The following PCDHB16 variants were observed in gnomAD, a reference collection of about 807,000 sequenced individuals.
PCDHB16 encodes the protein protocadherin beta 16.
For synonymous variants in PCDHB16, 444 were observed against 436.5 expected, an observed-to-expected ratio of 1.02 and a Z score of -0.21; for missense variants, 1,026 against 989.9, an observed-to-expected ratio of 1.04 and a Z score of -0.49.
In PCDHB16 at chr5:141,184,017, C is replaced by T. The variant is rs138045628; in HGVS notation, c.1458C>T (p.Val486=). The change falls in exon 1 of 1, where the codon GTC becomes GTT. Residue 486 remains valine, a synonymous_variant. Transcript: ENST00000609684. ...TDRDSGTNAQ[V]TYSLLPPQDP... is the part of the protein sequence containing the mutation. ...GAGACTCGGGCACCAACGCCCAGGT[C>T]ACCTACTCGCTGCTGCCGCCCCAAG... The T allele has an allele frequency of 1.7e-3, 2,757 of 1,606,868 alleles. 5 individuals carry two copies. Among genetic ancestry groups the T allele is most frequent in the Admixed American group, 2.1e-3 (125 of 59,490 alleles).
In PCDHB16 at chr5:141,184,599, G is replaced by A; in HGVS notation, c.2040G>A (p.Gln680=). Reference sequence around the variant, plus strand: ...CGCTCCCAGAGGCGGCCCCCGGCCAGACCCAGGCCAACTCGCTCACTGTCT... The same window carrying A: ...CGCTCCCAGAGGCGGCCCCCGGCCAAACCCAGGCCAACTCGCTCACTGTCT... ...FLPLPEAAPG[Q]TQANSLTVYL... Residue 680 remains glutamine (Q), a synonymous_variant, in exon 1 of 1, where the codon CAG becomes CAA. Coordinates refer to ENST00000609684, the MANE Select transcript of PCDHB16 (RefSeq NM_020957.4). 1 of 1,612,606 alleles carries A rather than the reference G, an allele frequency of 6.2e-7. No homozygotes were observed. Among genetic ancestry groups the A allele is most frequent in the Non-Finnish European group, 8.5e-7 (1 of 1,179,810 alleles).
At position 141,185,394 on chromosome 5, in the gene PCDHB16, T is replaced by C; in HGVS notation, c.*504T>C. ...ACTTTTCTTAAAGTTTCTTTCTTTCTTTTCTTTTCTTTCTTTTTTTTTTTT... is the reference window on the plus strand; with the variant it reads ...ACTTTTCTTAAAGTTTCTTTCTTTCCTTTCTTTTCTTTCTTTTTTTTTTTT... On this transcript the variant is annotated 3_prime_UTR_variant, in exon 1 of 1. Transcript: ENST00000609684. 1 of 773,716 alleles carries C rather than the reference T, an allele frequency of 1.3e-6. No individual in the cohort carries two copies. The allele number at this position is 773,716 out of a possible 1,614,324, so 47.9% of individuals were successfully genotyped here.
rs980095142 is a variant in PCDHB16, at chr5:141,182,459, C to G, written c.-101C>G. The G allele has an allele frequency of 3.8e-6, 4 of 1,040,014 alleles. No homozygotes were observed. The highest frequency in any genetic ancestry group is 2.5e-5 in the Admixed American group (1 of 40,026). The allele number at this position is 1,040,014 out of a possible 1,614,324, so 64.4% of individuals were successfully genotyped here. A position where few individuals can be genotyped will look rare whatever the true frequency, so the allele number is the denominator to read the frequency against. ...TGAGTGTGAAACCTCTTTAAGACAC[C>G]GTTGGGCTGCTTGGTTCTGACATTC... On this transcript the variant is annotated 5_prime_UTR_variant, in exon 1 of 1. Coordinates refer to ENST00000609684, the MANE Select transcript of PCDHB16 (RefSeq NM_020957.4).
At position 141,182,786 on chromosome 5, in the gene PCDHB16, A is replaced by C; in HGVS notation, c.227A>C (p.Gln76Pro). ...IISQGNKQHLQLKAQTGDLLI... is the reference protein window; with the variant it reads ...IISQGNKQHLPLKAQTGDLLI... ...TCCCAGGGGAACAAACAGCATTTGC[A>C]GCTCAAGGCTCAAACTGGGGATTTG... Residue 76 changes from glutamine (Q) to proline (P), a missense_variant, in exon 1 of 1, where the codon CAG becomes CCG. By Grantham distance (76) the Gln-to-Pro change is moderately conservative. Transcript: ENST00000609684. The C allele has an allele frequency of 6.2e-7, 1 of 1,614,112 alleles. No individual in the cohort carries two copies. Among genetic ancestry groups the C allele is most frequent in the Non-Finnish European group, 8.5e-7 (1 of 1,179,998 alleles).
Position 141,186,051 on chromosome 5 carries a change from G to T in PCDHB16, c.*1161G>T, listed in dbSNP as rs1438243678. ...TAAGTTGGAAAAAAAACTTATCAAA[G>T]AGACATTTACATGGTTTGGCTTTTA... On this transcript the variant is annotated 3_prime_UTR_variant, in exon 1 of 1. Transcript: ENST00000609684. The T allele has an allele frequency of 1.0e-6, 1 of 998,318 alleles. No individual in the cohort carries two copies. Among genetic ancestry groups the T allele is most frequent in the Admixed American group, 6.2e-5 (1 of 16,244 alleles). The allele number at this position is 998,318 out of a possible 1,614,324, so 61.8% of individuals were successfully genotyped here. A position where few individuals can be genotyped will look rare whatever the true frequency, so the allele number is the denominator to read the frequency against.
chr5:141,182,677 G>T lies in PCDHB16; in HGVS notation c.118G>T (p.Glu40Ter), dbSNP rs781788378. ...GTCCTATTCCGTAGTGGAAGAAACG[G>T]AGAGAGGCTCTTTTGTGGCAAATCT... ...LGSYSVVEET[E>*]RGSFVANLGK... Residue 40 changes from glutamate to a stop codon, truncating the protein, a stop_gained, in exon 1 of 1, where the codon GAG (glutamate) becomes TAG (stop). Transcript: ENST00000609684. LOFTEE classifies it low-confidence loss of function (END_TRUNC). The T allele has an allele frequency of 1.2e-6, 2 of 1,610,074 alleles. No homozygotes were observed. Among genetic ancestry groups the T allele is most frequent in the East Asian group, 2.2e-5 (1 of 44,816 alleles).
Position 141,184,012 on chromosome 5 carries a change from C to A in PCDHB16, c.1453C>A (p.Gln485Lys), listed in dbSNP as rs1472780086. 34 of 1,607,632 alleles carry A rather than the reference C, an allele frequency of 2.1e-5. No individual in the cohort carries two copies. The highest frequency in any genetic ancestry group is 2.5e-5 in the Non-Finnish European group (30 of 1,178,976). Residue 485 changes from glutamine to lysine, a missense_variant, in exon 1 of 1, where the codon CAG becomes AAG. Transcript: ENST00000609684. ...AGACAGAGACTCGGGCACCAACGCCCAGGTCACCTACTCGCTGCTGCCGCC... is the reference window on the plus strand; with the variant it reads ...AGACAGAGACTCGGGCACCAACGCCAAGGTCACCTACTCGCTGCTGCCGCC... ...ATDRDSGTNA[Q>K]VTYSLLPPQD... is the part of the protein sequence containing the mutation.
chr5:141,185,217 G>C lies in PCDHB16; in HGVS notation c.*327G>C. 1 of 1,038,412 alleles carries C rather than the reference G, an allele frequency of 9.6e-7. No homozygotes were observed. Among genetic ancestry groups the C allele is most frequent in the Non-Finnish European group, 1.2e-6 (1 of 848,616 alleles). 64.3% of individuals were successfully genotyped at this position (1,038,412 alleles called of 1,614,324 possible). ...TTTATTTACTTCCTATTCATTTTTT[G>C]CTCCATTTTTCATGTTACTTCTCAG... On this transcript the variant is annotated 3_prime_UTR_variant, in exon 1 of 1. Transcript: ENST00000609684.
rs999690524 is a variant in PCDHB16 at position 141,185,589 on chromosome 5, G to A, written c.*699G>A. Reference sequence around the variant, plus strand: ...CCATGCCTGGCTAATCTTTTGCAGCGATGGGATTTTGCCAAGTTGCCCAGG... The same window carrying A: ...CCATGCCTGGCTAATCTTTTGCAGCAATGGGATTTTGCCAAGTTGCCCAGG... On this transcript the variant is annotated 3_prime_UTR_variant, in exon 1 of 1. Coordinates refer to ENST00000609684, the MANE Select transcript of PCDHB16 (RefSeq NM_020957.4). The A allele has an allele frequency of 2.9e-5, 12 of 410,676 alleles. No homozygotes were observed. Among genetic ancestry groups the A allele is most frequent in the East Asian group, 3.2e-4 (2 of 6,280 alleles). 25.4% of individuals were successfully genotyped at this position (410,676 alleles called of 1,614,324 possible).
Position 141,185,174 on chromosome 5 carries a change from A to C in PCDHB16, c.*284A>C. 1 of 1,137,984 alleles carries C rather than the reference A, an allele frequency of 8.8e-7. No homozygotes were observed. Among genetic ancestry groups the C allele is most frequent in the South Asian group, 3.6e-5 (1 of 27,790 alleles). 70.5% of individuals were successfully genotyped at this position (1,137,984 alleles called of 1,614,324 possible). A position where few individuals can be genotyped will look rare whatever the true frequency, so the allele number is the denominator to read the frequency against. The stretch of plus-strand genomic sequence containing the variant: ...ATCTTCAAAGTTGATGTCATTTAAA[A>C]TTTTTCCGTCTTTATATTTTATTTA... On this transcript the variant is annotated 3_prime_UTR_variant, in exon 1 of 1. Coordinates refer to ENST00000609684, the MANE Select transcript of PCDHB16 (RefSeq NM_020957.4).
chr5:141,184,115 T>C lies in PCDHB16; in HGVS notation c.1556T>C (p.Leu519Pro). The C allele has an allele frequency of 6.4e-7, 1 of 1,562,842 alleles. No homozygotes were observed. The highest frequency in any genetic ancestry group is 8.6e-7 in the Non-Finnish European group (1 of 1,156,810). ...DNGHLFALRS[L>P]DYEALQAFEF... ...GGCCACCTGTTCGCCCTCAGGTCGCTGGACTACGAGGCCCTGCAGGCTTTC... is the reference window on the plus strand; with the variant it reads ...GGCCACCTGTTCGCCCTCAGGTCGCCGGACTACGAGGCCCTGCAGGCTTTC... The change falls in exon 1 of 1, where the codon CTG becomes CCG. Residue 519 changes from leucine (L) to proline (P), a missense_variant. By Grantham distance (98) the Leu-to-Pro change is moderately conservative. Transcript: ENST00000609684.
rs782323992 is a variant in PCDHB16 at position 141,183,942 on chromosome 5, C to T, written c.1383C>T (p.Arg461=). ...AAACCTCCTACACCCTGTTCGTCCG[C>T]GAGAACAACAGCCCCGCCCTGCACA... The part of the protein sequence containing the change: ...FTQTSYTLFV[R]ENNSPALHIG... Residue 461 remains arginine (R), a synonymous_variant, in exon 1 of 1, where the codon CGC becomes CGT. Coordinates refer to ENST00000609684, the MANE Select transcript of PCDHB16 (RefSeq NM_020957.4). 1 of 1,613,840 alleles carries T rather than the reference C, an allele frequency of 6.2e-7. No individual in the cohort carries two copies.
chr5:141,182,724 G>T lies in PCDHB16; in HGVS notation c.165G>T (p.Gly55=), dbSNP rs1554282010. 22 of 1,611,922 alleles carry T rather than the reference G, an allele frequency of 1.4e-5. No homozygotes were observed. Among genetic ancestry groups the T allele is most frequent in the Non-Finnish European group, 1.9e-5 (22 of 1,178,506 alleles). The change falls in exon 1 of 1, where the codon GGG becomes GGT. Residue 55 remains glycine (G), a synonymous_variant. Transcript: ENST00000609684. Reference sequence around the variant, plus strand: ...ATCTAGGAAAAGACCTGGGGTTGGGGTTGACAGAGATGTCCACCCGCAAGG... The same window carrying T: ...ATCTAGGAAAAGACCTGGGGTTGGGTTTGACAGAGATGTCCACCCGCAAGG... ...VANLGKDLGL[G]LTEMSTRKAR...
rs782111090 is a variant in PCDHB16, at chr5:141,183,712, A to C, written c.1153A>C (p.Ile385Leu). Reference sequence around the variant, plus strand: ...AAACAATGGGAAGACGATTTCCTCCATCCAGGAAGACCTTCCCTTTCTTCT... The same window carrying C: ...AAACAATGGGAAGACGATTTCCTCCCTCCAGGAAGACCTTCCCTTTCTTCT... ...SGNNGKTISS[I>L]QEDLPFLLKP... Residue 385 changes from isoleucine (I) to leucine (L), a missense_variant, in exon 1 of 1, where the codon ATC becomes CTC. Coordinates refer to ENST00000609684, the MANE Select transcript of PCDHB16 (RefSeq NM_020957.4). The C allele has an allele frequency of 6.2e-7, 1 of 1,614,192 alleles. No homozygotes were observed. The highest frequency in any genetic ancestry group is 1.1e-5 in the South Asian group (1 of 91,084).
rs782733116 is a variant in PCDHB16 at position 141,184,456 on chromosome 5, C to A, written c.1897C>A (p.Arg633Ser). 3.1e-6 allele frequency: 5 copies of A among 1,608,246 alleles called. No individual in the cohort carries two copies. The highest frequency in any genetic ancestry group is 1.3e-5 in the African/African-American group (1 of 74,944). Residue 633 changes from arginine (R) to serine (S), a missense_variant, in exon 1 of 1, where the codon CGC becomes AGC. Arg to Ser is a moderately radical substitution (Grantham distance 110). Transcript: ENST00000609684. Reference protein sequence around the residue: ...EVRTARLLSERDAAKQRLVVL... With the variant: ...EVRTARLLSESDAAKQRLVVL... ...GCGCACCGCCAGGCTGCTGAGCGAGCGCGACGCAGCCAAGCAGAGGCTGGT... is the reference window on the plus strand; with the variant it reads ...GCGCACCGCCAGGCTGCTGAGCGAGAGCGACGCAGCCAAGCAGAGGCTGGT...
chr5:141,182,788 C>T lies in PCDHB16; in HGVS notation c.229C>T (p.Leu77Phe). Residue 77 changes from leucine to phenylalanine, a missense_variant, in exon 1 of 1, where the codon CTC (leucine) becomes TTC (phenylalanine). Physicochemically the swap from Leu to Phe is conservative, Grantham distance 22. Transcript: ENST00000609684. ...CCAGGGGAACAAACAGCATTTGCAG[C>T]TCAAGGCTCAAACTGGGGATTTGCT... ...ISQGNKQHLQ[L>F]KAQTGDLLIN... 4 of 1,614,084 alleles carry T rather than the reference C, an allele frequency of 2.5e-6. No individual in the cohort carries two copies. Among genetic ancestry groups the T allele is most frequent in the Non-Finnish European group, 3.4e-6 (4 of 1,180,004 alleles).
At position 141,182,584 on chromosome 5, in the gene PCDHB16, C is replaced by T. The variant is rs368281606; in HGVS notation, c.25C>T (p.Arg9Trp). 3.3e-6 allele frequency: 5 copies of T among 1,525,372 alleles called. No homozygotes were observed. Among genetic ancestry groups the T allele is most frequent in the African/African-American group, 2.8e-5 (2 of 71,748 alleles). The allele number at this position is 1,525,372 out of a possible 1,614,324, so 94.5% of individuals were successfully genotyped here. Residue 9 changes from arginine to tryptophan, a missense_variant, in exon 1 of 1, where the codon CGG becomes TGG. Transcript: ENST00000609684. ...AATGGAGATTGGATGGATGCACAAT[C>T]GGAGACAAAGGCAAGTCCTTGTTTT... MEIGWMHN[R>W]RQRQVLVFFV...
Position 141,184,897 on chromosome 5 carries a change from A to G in PCDHB16, c.*7A>G, listed in dbSNP as rs782717115. 3 of 1,613,294 alleles carry G rather than the reference A, an allele frequency of 1.9e-6. No individual in the cohort carries two copies. The highest frequency in any genetic ancestry group is 1.7e-6 in the Non-Finnish European group (2 of 1,179,602). On this transcript the variant is annotated 3_prime_UTR_variant, in exon 1 of 1. Coordinates refer to ENST00000609684, the MANE Select transcript of PCDHB16 (RefSeq NM_020957.4). ...CCCCAACTTCTCTCCTTAGGGCACT[A>G]GGAAAGAAATAGATTAAAATTCCAC...
chr5:141,183,326 C>G lies in PCDHB16; in HGVS notation c.767C>G (p.Pro256Arg), dbSNP rs782380285. Residue 256 changes from proline to arginine, a missense_variant, in exon 1 of 1, where the codon CCT (proline) becomes CGT (arginine). Pro to Arg is a moderately radical substitution (Grantham distance 103, BLOSUM62 -2). Coordinates refer to ENST00000609684, the MANE Select transcript of PCDHB16 (RefSeq NM_020957.4). The part of the protein sequence containing the change: ...IYKVQIPENS[P>R]LGSLVATVSA... ...AAAGTGCAGATTCCAGAGAACAGTC[C>G]TCTTGGCTCCCTGGTTGCCACCGTC... 1 of 1,614,206 alleles carries G rather than the reference C, an allele frequency of 6.2e-7. No homozygotes were observed. The highest frequency in any genetic ancestry group is 8.5e-7 in the Non-Finnish European group (1 of 1,180,046).
Sources: allele counts gnomAD v4.1 joint callset, GRCh38; gene constraint gnomAD v4.1.1; transcripts MANE v1.5; gene names NCBI Gene and HGNC (gene_info 2026-07-23, HGNC 2026-07-21).